The following RARB variants were observed in gnomAD, a reference collection of about 807,000 sequenced individuals.
The protein encoded by RARB is HBV-activated protein.
In RARB, 17 loss-of-function variants were observed where a neutral mutation model predicts 51.9. That is an observed-to-expected ratio of 0.33 (90% CI 0.22 to 0.49). The LOEUF (loss-of-function observed/expected upper bound fraction) is 0.49. Among genes scored for constraint, RARB ranks in the 20% least tolerant of loss-of-function variants. The pLI is 0.99. For missense variants in RARB, 369 were observed against 550.8 expected (o/e 0.67, Z 3.30); for synonymous variants, 215 against 195.4 (o/e 1.10, Z -0.84).
At chr3:25,052,872 G>C (rs1698365245) in intron 2 of RARB, among the ~76,000 whole-genome samples, 1 of 150,810 alleles carries the variant, frequency 6.6e-6, no homozygotes, top group Non-Finnish European at 1.5e-5. Context: ...ACAAGTGAGA[G>C]GTAAAAAAGT....
intron 2 of RARB, among the ~76,000 whole-genome samples, chr3:25,017,378 T>A (rs1462457786): frequency 2.0e-5 from 3 of 147,430 alleles, no homozygotes; most frequent in African/African-American, 4.9e-5. Context: ...TCATCATGTT[T>A]AAAAAAAAAA....
intron 3 of RARB, among the ~76,000 whole-genome samples, chr3:25,069,512 C>A (rs576201610): frequency 3.5e-4 from 53 of 152,138 alleles, no homozygotes; most frequent in Non-Finnish European, 6.0e-4. Flanking sequence ...GTTCTTAGGT[C>A]ACCAAGAGAA....
chr3:25,524,610 C>G lies in RARB; in HGVS notation c.448+23287C>G, dbSNP rs1324614436. On this transcript the variant is annotated intron_variant, in intron 3 of 7. Coordinates refer to ENST00000330688, the MANE Select transcript of RARB (RefSeq NM_000965.5). ...TTTCCCTTTACCCTTCTCTTCCCCC[C>G]TCCCTTCCTCCCTCCCTGCCTCCCT... 2.0e-5 allele frequency among the ~76,000 whole-genome samples: 3 copies of G among 150,450 alleles called. No individual in the cohort carries two copies. The East Asian group carries it at 5.8e-4, about 29-fold the overall frequency.
chr3:25,572,077 C>T (rs960518624), intron 4 of RARB, among the ~76,000 whole-genome samples: 3 of 152,192 alleles, frequency 2.0e-5, no homozygotes, highest in African/African-American at 4.8e-5. Flanking sequence ...AAGGTGAGGG[C>T]GTCTTGACCT....
intron 5 of RARB, among the ~76,000 whole-genome samples, chr3:25,215,099 G>A (rs1299618242): frequency 6.6e-6 from 1 of 152,288 alleles, no homozygotes; most frequent in East Asian, 1.9e-4. Context: ...CCAGCCAGTT[G>A]TTCTTAATCC....
chr3:25,270,440 G>C (rs568109731), intron 5 of RARB, among the ~76,000 whole-genome samples: 1 of 152,200 alleles, frequency 6.6e-6, no homozygotes, highest in South Asian at 2.1e-4. Flanking sequence ...AATTCATAGA[G>C]ATCTGTACAC....
intron 5 of RARB, among the ~76,000 whole-genome samples, chr3:25,183,029 T>G (rs1424972125): frequency 2.6e-5 from 4 of 152,106 alleles, no homozygotes; most frequent in Non-Finnish European, 4.4e-5. Flanking sequence ...GCCAGCACCT[T>G]GGTTTTGGAC....
intron 4 of RARB, among the ~76,000 whole-genome samples, chr3:25,165,285 C>T (rs904729414): frequency 8.6e-5 from 13 of 152,014 alleles, no homozygotes; most frequent in Admixed American, 6.6e-4. Context: ...CTTGTTTACA[C>T]GTGGTTTCTG....
intron 5 of RARB, among the ~76,000 whole-genome samples, chr3:25,422,191 G>C (rs149300988): frequency 5.3e-4 from 81 of 152,272 alleles, no homozygotes; most frequent in African/African-American, 1.9e-3. Flanking sequence ...ATTAAGGCAG[G>C]CATCTCAGTT....
chr3:25,001,355 T>C (rs7610231), intron 2 of RARB, among the ~76,000 whole-genome samples: 83,252 of 152,008 alleles, frequency 0.55, 24,510 homozygotes, highest in African/African-American at 0.77. Context: ...CCACCTAAAG[T>C]TCTAATTTGC....
At chr3:25,504,746 A>G (rs1424648493) in intron 3 of RARB, among the ~76,000 whole-genome samples, 2 of 148,466 alleles carry the variant, frequency 1.3e-5, no homozygotes, top group Non-Finnish European at 3.0e-5. Flanking sequence ...GGTATTTTCT[A>G]TGTGCCAAGT....
chr3:25,178,146 T>G (rs868598372), intron 5 of RARB, among the ~76,000 whole-genome samples: 1 of 151,962 alleles, frequency 6.6e-6, no homozygotes, highest in Non-Finnish European at 1.5e-5. Context: ...TTTCCGAAGG[T>G]CTGTTCTCAA....
At chr3:24,890,881 T>C (rs1703364350) in intron 2 of RARB, among the ~76,000 whole-genome samples, 1 of 152,200 alleles carries the variant, frequency 6.6e-6, no homozygotes, top group Admixed American at 6.5e-5. Flanking sequence ...TGGGTCCATT[T>C]ACCAGCTGTG....
intron 1 of RARB, 55 bp from the exon 2 acceptor site, chr3:25,461,137 TA>T: frequency 6.7e-7 from 1 of 1,494,178 alleles, no homozygotes; most frequent in East Asian, 2.4e-5. Context: ...TTGAAAAAAG[TA>T]ATGAACTAAA....
intron 3 of RARB, among the ~76,000 whole-genome samples, chr3:25,061,984 G>C (rs1476491347): frequency 6.6e-6 from 1 of 151,668 alleles, no homozygotes; most frequent in Non-Finnish European, 1.5e-5. Flanking sequence ...ATTTAATATA[G>C]AATAAAAGTG....
Position 25,436,297 on chromosome 3 carries a change from G to C in RARB, c.157+7409G>C, listed in dbSNP as rs573777488. ...CATTTCACATGATTCATCCGTTTTG[G>C]TGTACAGAACACTAATTGTTATTAT... On this transcript the variant is annotated intron_variant, in intron 1 of 7. Coordinates refer to ENST00000330688, the MANE Select transcript of RARB (RefSeq NM_000965.5). 5.3e-5 allele frequency among the ~76,000 whole-genome samples: 8 copies of C among 152,196 alleles called. No homozygotes were observed. In the South Asian group the frequency reaches 1.7e-3, roughly 32 times the overall value.
At chr3:24,921,383 T>G (rs1008225226) in intron 2 of RARB, among the ~76,000 whole-genome samples, 73 of 152,280 alleles carry the variant, frequency 4.8e-4, no homozygotes, top group African/African-American at 1.6e-3. Context: ...TACATGCTTC[T>G]GTTTTCTTCC....
intron 5 of RARB, among the ~76,000 whole-genome samples, chr3:25,372,356 T>C (rs1057401028): frequency 1.6e-4 from 24 of 152,194 alleles, no homozygotes; most frequent in Admixed American, 9.2e-4. Context: ...TATTGCCAAA[T>C]GGCCCCTGTG....
intron 3 of RARB, among the ~76,000 whole-genome samples, chr3:25,124,047 C>T (rs760051642): frequency 2.6e-5 from 4 of 152,152 alleles, no homozygotes; most frequent in Non-Finnish European, 5.9e-5. Flanking sequence ...TGCCAGTACT[C>T]ACCCGGGGAG....
Sources: allele counts gnomAD v4.1 joint callset (sites outside exome capture counted in the v4.1 genomes callset), GRCh38; gene constraint gnomAD v4.1.1; transcripts MANE v1.5; gene names NCBI Gene and HGNC (gene_info 2026-07-23, HGNC 2026-07-21).